PLEKHA6: variants seen among roughly 807,000 people sequenced by gnomAD.
PLEKHA6 encodes pleckstrin homology domain-containing family A member 6.
PLEKHA6 carries 60 observed loss-of-function variants against 116.7 expected under a neutral mutation model. The ratio of observed to expected loss-of-function variants is 0.51; its 90% CI spans 0.42 to 0.64. The LOEUF (loss-of-function observed/expected upper bound fraction) is 0.64, where lower values mean the gene tolerates loss of function less well. PLEKHA6 is among the 30% of genes least tolerant of loss of function. The probability of loss-of-function intolerance (pLI) is 0.00; values close to 1 mark genes in which losing one functional copy is unlikely to be tolerated. For synonymous variants in PLEKHA6, 489 were observed against 556.1 expected, an observed-to-expected ratio of 0.88 and a Z score of 1.70; for missense variants, 1,338 against 1,422.7, an observed-to-expected ratio of 0.94 and a Z score of 0.96.
At chr1:204,357,716 G>A (rs149320592) in intron 1 of PLEKHA6, among the ~76,000 whole-genome samples, 8 of 152,326 alleles carry the variant, frequency 5.3e-5, no homozygotes, top group East Asian at 1.9e-4. Flanking sequence ...AAATTGGCTC[G>A]GAGAACGGAA....
At chr1:204,247,818 G>C (rs1663946866) in intron 12 of PLEKHA6, among the ~76,000 whole-genome samples, 1 of 152,150 alleles carries the variant, frequency 6.6e-6, no homozygotes, top group African/African-American at 2.4e-5. Context: ...AGCTGGGCAT[G>C]GTGGCGCACC....
Position 204,268,202 on chromosome 1 carries a change from C to T in PLEKHA6, c.207+6G>A, listed in dbSNP as rs1667050808. 3 of 1,596,596 alleles carry T rather than the reference C, an allele frequency of 1.9e-6. No individual in the cohort carries two copies. Among genetic ancestry groups the T allele is most frequent in the Non-Finnish European group, 2.6e-6 (3 of 1,166,482 alleles). On this transcript the variant is annotated splice_donor_region_variant and intron_variant, in intron 4 of 22. Coordinates refer to ENST00000272203, the MANE Select transcript of PLEKHA6 (RefSeq NM_014935.5). Reference sequence around the variant, plus strand: ...TACGGTGGCCAGAACCGCAGGGTGGCCTCACCTGTTTGAAGAGCCAGCCCG... The same window carrying T: ...TACGGTGGCCAGAACCGCAGGGTGGTCTCACCTGTTTGAAGAGCCAGCCCG...
At chr1:204,249,953 T>C (rs1019052113) in intron 10 of PLEKHA6, among the ~76,000 whole-genome samples, 2 of 152,210 alleles carry the variant, frequency 1.3e-5, no homozygotes, top group African/African-American at 4.8e-5. Context: ...CTCTGGGCCT[T>C]TTAACTTCAA....
intron 1 of PLEKHA6, chr1:204,326,974 C>T (rs1221420448): frequency 3.0e-6 from 3 of 985,280 alleles, no homozygotes; most frequent in Non-Finnish European, 3.6e-6. Flanking sequence ...GGCAGAAGCG[C>T]GCTGGGTACG....
intron 1 of PLEKHA6, among the ~76,000 whole-genome samples, chr1:204,330,739 GCCCTCCCAAGGC>G (rs1672415256): frequency 1.3e-5 from 1 of 74,858 alleles, no homozygotes; most frequent in African/African-American, 6.0e-5. Flanking sequence ...AGAGGAAGCA[GCCCTCCCAAGGC>G]CCCACCATGA....
intron 6 of PLEKHA6, chr1:204,262,178 T>G (rs1666212259): frequency 1.3e-5 from 2 of 152,260 alleles, no homozygotes; most frequent in African/African-American, 4.8e-5. Context: ...CCCCCGGGAA[T>G]GGCAGCACCC....
intron 21 of PLEKHA6, among the ~76,000 whole-genome samples, chr1:204,224,205 C>T (rs1017195307): frequency 2.6e-5 from 4 of 152,054 alleles, no homozygotes; most frequent in East Asian, 1.9e-4. Context: ...CTGAGCAAAT[C>T]GAGACAAGCC....
At position 204,355,048 on chromosome 1, in the gene PLEKHA6, C is replaced by T. The variant is rs553083130; in HGVS notation, c.-95+4646G>A. ...ACCACATTCTGTGCCAGTAAGGCCA[C>T]AGTTCATGTGGGGGCTCCAGGAAAG... On this transcript the variant is annotated intron_variant, in intron 1 of 22. Coordinates refer to ENST00000272203, the MANE Select transcript of PLEKHA6 (RefSeq NM_014935.5). 2.3e-4 allele frequency among the ~76,000 whole-genome samples: 35 copies of T among 152,342 alleles called. 2 individuals carry two copies. Among genetic ancestry groups the T allele is most frequent in the African/African-American group, 8.4e-4 (35 of 41,580 alleles).
chr1:204,227,994 G>C, intron 21 of PLEKHA6, 89 bp downstream of exon 21: 1 of 1,325,232 alleles, frequency 7.5e-7, no homozygotes, highest in Non-Finnish European at 1.0e-6. Context: ...CTTTGCTACT[G>C]CCCCCCTTGT....
chr1:204,272,481 C>T (rs1667569221), intron 3 of PLEKHA6, among the ~76,000 whole-genome samples: 1 of 152,210 alleles, frequency 6.6e-6, no homozygotes, highest in South Asian at 2.1e-4. Flanking sequence ...CATTTCCCAT[C>T]ACAGTCAAGT....
At chr1:204,285,016 T>C in intron 1 of PLEKHA6, among the ~76,000 whole-genome samples, 1 of 152,244 alleles carries the variant, frequency 6.6e-6, no homozygotes, top group East Asian at 1.9e-4. Flanking sequence ...GTATTCTATC[T>C]TGAATAATTA....
chr1:204,259,143 C>T lies in PLEKHA6; in HGVS notation c.1007+115G>A, dbSNP rs1381148839. ...GCATGGGATTTGCTTGGTTTCCCAA[C>T]TCAGCCTGCTTCCAGAAGGTTTCCA... On this transcript the variant is annotated intron_variant, in intron 8 of 22. Transcript: ENST00000272203. The surrounding 1 kb of genome is among the most constrained non-coding windows in gnomAD (Gnocchi z 4.6). 1 of 1,258,078 alleles carries T rather than the reference C, an allele frequency of 7.9e-7. No individual in the cohort carries two copies. 77.9% of individuals were successfully genotyped at this position (1,258,078 alleles called of 1,614,324 possible).
chr1:204,377,773 G>A (rs548453597), upstream of PLEKHA6: 2 of 111,120 alleles, frequency 1.8e-5, no homozygotes, highest in African/African-American at 2.7e-5. Flanking sequence ...AGAGGCCGTG[G>A]TGGGGGAGGG....
At chr1:204,377,083 A>G (rs1673883283) in intron 1 of PLEKHA6, among the ~76,000 whole-genome samples, 1 of 152,200 alleles carries the variant, frequency 6.6e-6, no homozygotes, top group Middle Eastern at 3.2e-3. Context: ...ATAAAGAAGC[A>G]GGACAGGAGA....
Position 204,359,877 on chromosome 1 carries a change from G to T in PLEKHA6, c.-278C>A, listed in dbSNP as rs1372518637. On this transcript the variant is annotated 5_prime_UTR_variant, in exon 1 of 23. The change creates a premature stop within an existing upstream ORF in the 5' untranslated region. Coordinates refer to ENST00000272203, the MANE Select transcript of PLEKHA6 (RefSeq NM_014935.5). ...TCTCTCCGGCTGGCAGGTCCCTGGC[G>T]CAGGGAGAGGATGCTGTTGTGGTTA... 6.1e-6 allele frequency: 1 copy of T among 163,418 alleles called. No individual in the cohort carries two copies. Among genetic ancestry groups the T allele is most frequent in the Non-Finnish European group, 1.3e-5 (1 of 78,124 alleles). The allele number at this position is 163,418 out of a possible 1,614,324, so 10.1% of individuals were successfully genotyped here. A position where few individuals can be genotyped will look rare whatever the true frequency, so the allele number is the denominator to read the frequency against.
In PLEKHA6 at chr1:204,257,495, CT is replaced by C; in HGVS notation, c.1381del (p.Ser461AlafsTer39). On this transcript the variant is annotated frameshift_variant, in exon 9 of 23. Coordinates refer to ENST00000272203, the MANE Select transcript of PLEKHA6 (RefSeq NM_014935.5). LOFTEE classifies it high-confidence loss of function. The surrounding 1 kb of genome is among the most constrained non-coding windows in gnomAD (Gnocchi z 6.5). ...PRSHSVPRSP[S>X]QGSYSRARIY... is the part of the protein sequence containing the mutation. ...GCGGGCACGGCTGTAGGAGCCCTGG[CT>C]GGGTGAGCGGGGCACAGAGTGGGAG... The C allele has an allele frequency of 6.3e-7, 1 of 1,583,762 alleles. No homozygotes were observed. The highest frequency in any genetic ancestry group is 8.6e-7 in the Non-Finnish European group (1 of 1,163,434).
At chr1:204,324,158 G>C (rs1173610573) in intron 1 of PLEKHA6, among the ~76,000 whole-genome samples, 1 of 152,112 alleles carries the variant, frequency 6.6e-6, no homozygotes, top group South Asian at 2.1e-4. Context: ...TCAGCTGCAC[G>C]AGGACTTCAG....
intron 1 of PLEKHA6, chr1:204,320,645 G>C (rs932300084): frequency 1.8e-5 from 3 of 165,270 alleles, no homozygotes; most frequent in African/African-American, 7.2e-5. Flanking sequence ...CTTCTTTTCT[G>C]GAAAGTTCTG....
In PLEKHA6 at chr1:204,259,459, G is replaced by A. The variant is rs149502738; in HGVS notation, c.806C>T (p.Pro269Leu). 84 of 1,614,082 alleles carry A rather than the reference G, an allele frequency of 5.2e-5. No homozygotes were observed. Among genetic ancestry groups the A allele is most frequent in the Non-Finnish European group, 6.4e-5 (75 of 1,180,030 alleles). Reference sequence around the variant, plus strand: ...TGGGGAGTGGTACTGCCAGCCATTGGGCTGGGCAGGCTGTTCCCCACCCCC... The same window carrying A: ...TGGGGAGTGGTACTGCCAGCCATTGAGCTGGGCAGGCTGTTCCCCACCCCC... Reference protein sequence around the residue: ...VPGGGEQPAQPNGWQYHSPSR... With the variant: ...VPGGGEQPAQLNGWQYHSPSR... The change falls in exon 8 of 23, where the codon CCC (proline) becomes CTC (leucine). Residue 269 changes from proline to leucine, a missense_variant. Physicochemically the swap from Pro to Leu is moderately conservative, Grantham distance 98. This residue lies in a region of PLEKHA6 where 1,136 missense variants were observed against 1,163.6 expected (regional missense o/e 0.98). Transcript: ENST00000272203. The surrounding 1 kb of genome is among the most constrained non-coding windows in gnomAD (Gnocchi z 4.6).
Sources: gnomAD v4.1 joint callset for allele counts (sites outside exome capture counted in the v4.1 genomes callset) on GRCh38, gnomAD v4.1.1 for gene constraint, gnomAD v4.1.1 regional missense constraint, Gnocchi (gnomAD v3.1) non-coding constraint, MANE v1.5 for transcripts, NCBI Gene and HGNC (gene_info 2026-07-23, HGNC 2026-07-21) for gene names.